The following FRS2 variants were observed in gnomAD, a reference collection of about 807,000 sequenced individuals.
FRS2 encodes the protein FGFR signalling adaptor.
A neutral mutation model predicts 43.9 loss-of-function variants in FRS2; 8 were observed. The observed-to-expected ratio is 0.18, with a 90% CI of 0.11 to 0.33. FRS2 has a LOEUF of 0.33. Ranked by LOEUF, FRS2 falls within the 10% of genes least tolerant of loss-of-function variation. FRS2 has a pLI of 1.00. For missense variants in FRS2, 534 were observed against 627.6 expected (o/e 0.85, Z 1.59); for synonymous variants, 219 against 220.3 (o/e 0.99, Z 0.05).
chr12:69,545,755 C>CA (rs60460901), intron 3 of FRS2, among the ~76,000 whole-genome samples: 5,158 of 79,894 alleles, frequency 0.065, 265 homozygotes, highest in African/African-American at 0.074. Flanking sequence ...GACCCTGTCT[C>CA]AAAAAAAAAA....
intron 1 of FRS2, among the ~76,000 whole-genome samples, chr12:69,478,786 C>G (rs1344808208): frequency 6.8e-6 from 1 of 147,570 alleles, no homozygotes; most frequent in Non-Finnish European, 1.5e-5. Context: ...AATGAACTAC[C>G]ATGTATGACC....
At position 69,540,774 on chromosome 12, in the gene FRS2, G is replaced by C. The variant is rs183603422; in HGVS notation, c.-122+8718G>C. ...TCACAGTGGAGAAACCTGACAGCCA[G>C]GTAGGTTGTCAGGGGTAACATCAAC... On this transcript the variant is annotated intron_variant, in intron 3 of 8. Coordinates refer to ENST00000549921, the MANE Select transcript of FRS2 (RefSeq NM_001278356.2). Among the ~76,000 whole-genome samples, 23 of 152,306 alleles carry C rather than the reference G, an allele frequency of 1.5e-4. No individual in the cohort carries two copies. In the East Asian group the frequency reaches 3.1e-3, roughly 20 times the overall value.
intron 4 of FRS2, among the ~76,000 whole-genome samples, chr12:69,566,471 T>A (rs536699699): frequency 5.3e-4 from 81 of 152,200 alleles, no homozygotes; most frequent in African/African-American, 1.5e-3. Context: ...TACTATTTTT[T>A]AAAAAATTAA....
chr12:69,538,919 C>G (rs925154900), intron 3 of FRS2, among the ~76,000 whole-genome samples: 2 of 152,032 alleles, frequency 1.3e-5, no homozygotes, highest in Admixed American at 6.5e-5. Flanking sequence ...AATAACATAA[C>G]ATTTAGTTAC....
In FRS2 at chr12:69,518,252, T is replaced by C. The variant is rs1875257128; in HGVS notation, c.-260-12613T>C. On this transcript the variant is annotated intron_variant, in intron 1 of 8. Transcript: ENST00000549921. Reference sequence around the variant, plus strand: ...ACGTTGGTGATTCCTTCTTTGTCTTTTGTACAATTCCCACTTATGAGAAAT... The same window carrying C: ...ACGTTGGTGATTCCTTCTTTGTCTTCTGTACAATTCCCACTTATGAGAAAT... 2.0e-5 allele frequency among the ~76,000 whole-genome samples: 3 copies of C among 152,232 alleles called. No individual in the cohort carries two copies. The South Asian group carries it at 6.2e-4, about 31-fold the overall frequency.
chr12:69,513,119 C>T (rs199584382), intron 1 of FRS2, among the ~76,000 whole-genome samples: 9 of 148,474 alleles, frequency 6.1e-5, no homozygotes, highest in African/African-American at 1.3e-4. Flanking sequence ...CTTCTCCTCC[C>T]GCCCCCAAAT....
chr12:69,567,418 C>T (rs1880394975), intron 4 of FRS2, among the ~76,000 whole-genome samples: 1 of 152,064 alleles, frequency 6.6e-6, no homozygotes, highest in Admixed American at 6.6e-5. Flanking sequence ...TTAATACAGT[C>T]CATTTAAATC....
At chr12:69,571,843 G>A (rs1321469036) in intron 7 of FRS2, among the ~76,000 whole-genome samples, 3 of 152,054 alleles carry the variant, frequency 2.0e-5, no homozygotes, top group Admixed American at 1.3e-4. Context: ...CAGCCTGGGC[G>A]ACATAGCAAG....
intron 4 of FRS2, 77 bp downstream of exon 4, chr12:69,562,351 G>A: frequency 2.5e-6 from 1 of 396,038 alleles, no homozygotes. Flanking sequence ...TTTAAATACA[G>A]ATGAAGTCCT....
intron 1 of FRS2, among the ~76,000 whole-genome samples, chr12:69,504,436 A>G (rs1053091118): frequency 1.3e-5 from 2 of 152,310 alleles, no homozygotes; most frequent in Admixed American, 6.5e-5. Context: ...AGTTTATTTA[A>G]GAACACCAAA....
At chr12:69,481,936 A>G (rs221082) in intron 1 of FRS2, among the ~76,000 whole-genome samples, 14,225 of 151,040 alleles carry the variant, frequency 0.094, 883 homozygotes, top group Non-Finnish European at 0.14. Flanking sequence ...CTTCTACTCT[A>G]TAGTTACTAT....
intron 1 of FRS2, among the ~76,000 whole-genome samples, chr12:69,530,660 C>T (rs1240995248): frequency 6.6e-6 from 1 of 152,046 alleles, no homozygotes; most frequent in Non-Finnish European, 1.5e-5. Context: ...GGAGGATCGC[C>T]TGAGCCCATG....
intron 1 of FRS2, among the ~76,000 whole-genome samples, chr12:69,509,887 C>A (rs1874300807): frequency 6.6e-6 from 1 of 152,124 alleles, no homozygotes; most frequent in African/African-American, 2.4e-5. Context: ...CCCCTCCCAG[C>A]CCTCATTCCT....
At chr12:69,529,678 A>G (rs756826165) in intron 1 of FRS2, among the ~76,000 whole-genome samples, 6 of 152,210 alleles carry the variant, frequency 3.9e-5, no homozygotes, top group East Asian at 1.9e-4. Context: ...TATTTCATCA[A>G]TTTAAGTTAA....
intron 3 of FRS2, among the ~76,000 whole-genome samples, 185 bp from the exon 4 acceptor site, chr12:69,561,995 A>G (rs1466168670): frequency 6.6e-6 from 1 of 152,212 alleles, no homozygotes; most frequent in Admixed American, 6.5e-5. Flanking sequence ...AAAAAGAATG[A>G]TAACATGTGC....
intron 1 of FRS2, among the ~76,000 whole-genome samples, chr12:69,516,775 C>G (rs1875097743): frequency 6.6e-6 from 1 of 152,064 alleles, no homozygotes; most frequent in African/African-American, 2.4e-5. Flanking sequence ...TAATCCAGTA[C>G]TAGCTGTATA....
intron 1 of FRS2, among the ~76,000 whole-genome samples, chr12:69,493,492 G>A (rs1027131045): frequency 6.6e-6 from 1 of 152,188 alleles, no homozygotes; most frequent in South Asian, 2.1e-4. Context: ...AGGCCAAGGC[G>A]GGTGGATCAC....
At chr12:69,570,577 G>A (rs183954168) in intron 6 of FRS2, 60 bp downstream of exon 6, 338 of 968,358 alleles carry the variant, frequency 3.5e-4, no homozygotes, top group Non-Finnish European at 4.5e-4. Context: ...CAGCTATTCT[G>A]TATACAAAGA....
At chr12:69,493,729 A>G (rs1321969084) in intron 1 of FRS2, among the ~76,000 whole-genome samples, 1 of 152,206 alleles carries the variant, frequency 6.6e-6, no homozygotes, top group African/African-American at 2.4e-5. Context: ...CTCAAAAACA[A>G]AACAAAACAA....
Sources: gnomAD v4.1 joint callset for allele counts (sites outside exome capture counted in the v4.1 genomes callset) on GRCh38, gnomAD v4.1.1 for gene constraint, MANE v1.5 for transcripts, NCBI Gene and HGNC (gene_info 2026-07-23, HGNC 2026-07-21) for gene names.